The following PPP2R3B variants were observed in gnomAD, a reference collection of about 807,000 sequenced individuals.
The protein encoded by PPP2R3B is protein phosphatase 2 regulatory subunit B''beta.
A neutral mutation model predicts 72.9 loss-of-function variants in PPP2R3B; 68 were observed. That is an observed-to-expected ratio of 0.93 (90% CI 0.77 to 1.14). PPP2R3B has a LOEUF of 1.14. Among genes scored for constraint, PPP2R3B ranks in the 50% most tolerant of loss-of-function variants. PPP2R3B has a pLI of 0.00. For missense variants in PPP2R3B, 1,018 were observed against 842.0 expected (o/e 1.21, Z -2.59); for synonymous variants, 466 against 375.8 (o/e 1.24, Z -2.78).
intron 2 of PPP2R3B, among the ~76,000 whole-genome samples, chrX:359,340 G>A (rs180833693): frequency 4.2e-4 from 64 of 152,336 alleles, no homozygotes; most frequent in Non-Finnish European, 8.2e-4. Context: ...GTGTTAAGTC[G>A]AGTGAGTCTG....
At position 334,272 on chromosome X, in the gene PPP2R3B, C is replaced by G. The variant is rs1054342593; in HGVS notation, c.*95G>C. On this transcript the variant is annotated 3_prime_UTR_variant, in exon 13 of 13. Coordinates refer to ENST00000390665, the MANE Select transcript of PPP2R3B (RefSeq NM_013239.5). ...ATAAAAGTTTATCATTCCGTACAAA[C>G]GCACTCATTTTCCACAACAGTTTTT... The G allele has an allele frequency of 6.1e-6, 8 of 1,304,874 alleles. No individual in the cohort carries two copies. Among genetic ancestry groups the G allele is most frequent in the Non-Finnish European group, 7.0e-6 (7 of 993,616 alleles). 80.8% of individuals were successfully genotyped at this position (1,304,874 alleles called of 1,614,324 possible).
chrX:360,193 A>G (rs760759313), intron 2 of PPP2R3B, among the ~76,000 whole-genome samples: 8 of 152,340 alleles, frequency 5.3e-5, no homozygotes, highest in African/African-American at 1.9e-4. Flanking sequence ...AGGTTGGTTT[A>G]ACATCCCAAA....
At chrX:372,120 C>G (rs1395757726) in intron 1 of PPP2R3B, among the ~76,000 whole-genome samples, 1 of 152,156 alleles carries the variant, frequency 6.6e-6, no homozygotes, top group Non-Finnish European at 1.5e-5. Context: ...GACCAGCGAG[C>G]CCGCACCGCC....
At chrX:347,874 C>G in intron 2 of PPP2R3B, 181 bp from the exon 3 acceptor site, 1 of 577,104 alleles carries the variant, frequency 1.7e-6, no homozygotes, top group East Asian at 2.9e-5. Context: ...AGCCTTCAAT[C>G]AGTCATGAGA....
At position 354,029 on chromosome X, in the gene PPP2R3B, C is replaced by T. The variant is rs188321620; in HGVS notation, c.511-6336G>A. On this transcript the variant is annotated intron_variant, in intron 2 of 12. Transcript: ENST00000390665. ...GGGGCTCACCCAGGGAGCAGGGGCT[C>T]GCCCAGGGACCAGGGGCTCACCCAA... Among the ~76,000 whole-genome samples the T allele has an allele frequency of 5.8e-3, 794 of 136,608 alleles. 42 individuals are homozygous for T. The East Asian group carries it at 0.071, about 12-fold the overall frequency. The allele number at this position is 136,608 out of a possible 152,430, so 89.6% of individuals were successfully genotyped here. A position where few individuals can be genotyped will look rare whatever the true frequency, so the allele number is the denominator to read the frequency against.
rs367854179 is a variant in PPP2R3B at position 361,513 on chromosome X, G to C, written c.402C>G (p.Arg134=). 8 of 1,614,022 alleles carry C rather than the reference G, an allele frequency of 5.0e-6. No homozygotes were observed. The highest frequency in any genetic ancestry group is 5.9e-6 in the Non-Finnish European group (7 of 1,179,866). The change falls in exon 2 of 13, where the codon CGC becomes CGG. Residue 134 remains arginine (R), a synonymous_variant. Transcript: ENST00000390665. ...SIPTFYFPRG[R]PQDSVNVDAV... ...CATCCACGTTGACGGAGTCCTGCGGGCGTCCTCTGGGGAAGTAGAAGGTCG... is the reference window on the plus strand; with the variant it reads ...CATCCACGTTGACGGAGTCCTGCGGCCGTCCTCTGGGGAAGTAGAAGGTCG...
intron 1 of PPP2R3B, among the ~76,000 whole-genome samples, chrX:363,410 AGTG>A: frequency 6.6e-6 from 1 of 150,648 alleles, no homozygotes; most frequent in African/African-American, 2.5e-5. Context: ...GCAATCCCAC[AGTG>A]CATCTCCCCG....
At chrX:378,848 C>T (rs1366525242) in intron 1 of PPP2R3B, among the ~76,000 whole-genome samples, 3 of 152,214 alleles carry the variant, frequency 2.0e-5, no homozygotes, top group African/African-American at 7.2e-5. Flanking sequence ...GAGAACTGAA[C>T]GCAGACAGGC....
rs2071184560 is a variant in PPP2R3B, at chrX:345,549, C to G, written c.1003G>C (p.Asp335His). The part of the protein sequence containing the change: ...ELDTDHDLLI[D>H]ADDLARHNDH... ...TTGTGCCGCGCCAGGTCGTCCGCGTCGATGAGCAGGTCGTGGTCCGTGTCC... is the reference window on the plus strand; with the variant it reads ...TTGTGCCGCGCCAGGTCGTCCGCGTGGATGAGCAGGTCGTGGTCCGTGTCC... Residue 335 changes from aspartate to histidine, a missense_variant, in exon 7 of 13, where the codon GAC (aspartate) becomes CAC (histidine). Physicochemically the swap from Asp to His is moderately conservative, Grantham distance 81 (BLOSUM62 -1). Transcript: ENST00000390665. 6.2e-7 allele frequency: 1 copy of G among 1,613,128 alleles called. No homozygotes were observed. The highest frequency in any genetic ancestry group is 1.3e-5 in the African/African-American group (1 of 74,988).
chrX:357,609 G>T (rs1403009254), intron 2 of PPP2R3B, among the ~76,000 whole-genome samples: 1 of 152,120 alleles, frequency 6.6e-6, no homozygotes, highest in African/African-American at 2.4e-5. Context: ...AATCGTACAA[G>T]ACAAGGAAAA....
intron 1 of PPP2R3B, among the ~76,000 whole-genome samples, chrX:367,370 G>C (rs1339920846): frequency 2.0e-5 from 3 of 150,664 alleles, no homozygotes; most frequent in Non-Finnish European, 4.4e-5. Flanking sequence ...GAGACGGTTT[G>C]TGAGTTGGAG....
chrX:375,273 C>T (rs2071964332), intron 1 of PPP2R3B, among the ~76,000 whole-genome samples: 1 of 152,238 alleles, frequency 6.6e-6, no homozygotes, highest in African/African-American at 2.4e-5. Context: ...CTCAAACCAC[C>T]AGGAGACGAT....
chrX:345,809 G>A (rs2071192092), intron 6 of PPP2R3B, 137 bp from the exon 7 acceptor site: 1 of 781,444 alleles, frequency 1.3e-6, no homozygotes, highest in East Asian at 2.9e-5. Flanking sequence ...AGCTGGGGCC[G>A]GGGGGCACTC....
At chrX:358,793 G>A (rs758913743) in intron 2 of PPP2R3B, among the ~76,000 whole-genome samples, 1 of 151,538 alleles carries the variant, frequency 6.6e-6, no homozygotes, top group Admixed American at 6.6e-5. Flanking sequence ...ACCGCGGAGG[G>A]GGGGTGGCCG....
rs772838969 is a variant in PPP2R3B at position 338,825 on chromosome X, C to T, written c.1423G>A (p.Glu475Lys). The change falls in exon 11 of 13, where the codon GAG (glutamate) becomes AAG (lysine). Residue 475 changes from glutamate to lysine, a missense_variant. Glu to Lys is a moderately conservative substitution (Grantham distance 56, BLOSUM62 1). Coordinates refer to ENST00000390665, the MANE Select transcript of PPP2R3B (RefSeq NM_013239.5). ...TTCTGCTCGTGGTCGAGGTACTTCT[C>T]GATGTTGAAGAAGGTGTCGAAGAAG... ...NVFFDTFFNI[E>K]KYLDHEQKEQ... 6.8e-6 allele frequency: 11 copies of T among 1,612,324 alleles called. No individual in the cohort carries two copies. The highest frequency in any genetic ancestry group is 2.2e-5 in the South Asian group (2 of 91,082).
intron 2 of PPP2R3B, among the ~76,000 whole-genome samples, chrX:354,336 G>T (rs1343565021): frequency 6.7e-6 from 1 of 149,998 alleles, no homozygotes; most frequent in African/African-American, 2.5e-5. Flanking sequence ...AGTCCTTCAT[G>T]ACCACAGACG....
chrX:346,568 A>G lies in PPP2R3B; in HGVS notation c.792+133T>C. On this transcript the variant is annotated intron_variant, in intron 5 of 12. Transcript: ENST00000390665. ...CCCGGGCGGGTGGAGACTCTCCCAG[A>G]GCGCGGCCGCCTCCTCCGGAAGCTC... 4 of 862,246 alleles carry G rather than the reference A, an allele frequency of 4.6e-6. No individual in the cohort carries two copies. In the South Asian group the frequency reaches 5.2e-5, roughly 11 times the overall value. The allele number at this position is 862,246 out of a possible 1,614,324, so 53.4% of individuals were successfully genotyped here. A position where few individuals can be genotyped will look rare whatever the true frequency, so the allele number is the denominator to read the frequency against.
At position 386,368 on chromosome X, in the gene PPP2R3B, T is replaced by C. The variant is rs746226625; in HGVS notation, c.324A>G (p.Val108=). 7.6e-6 allele frequency: 10 copies of C among 1,313,126 alleles called. No homozygotes were observed. In the Middle Eastern group the frequency reaches 9.2e-4, roughly 120 times the overall value. The allele number at this position is 1,313,126 out of a possible 1,614,324, so 81.3% of individuals were successfully genotyped here. The change falls in exon 1 of 13, where the codon GTA becomes GTG. Residue 108 remains valine, a splice_region_variant and synonymous_variant. Coordinates refer to ENST00000390665, the MANE Select transcript of PPP2R3B (RefSeq NM_013239.5). ...GTTAGCAGAAGGAAGAGTAACTTACTACTCTCGTCCCTGCGGATCTACGGG... is the reference window on the plus strand; with the variant it reads ...GTTAGCAGAAGGAAGAGTAACTTACCACTCTCGTCCCTGCGGATCTACGGG... The part of the protein sequence containing the change: ...RGTRRSAGTR[V]VQTRKEEPLP...
chrX:372,911 G>C (rs1213110448), intron 1 of PPP2R3B, among the ~76,000 whole-genome samples: 3 of 152,228 alleles, frequency 2.0e-5, no homozygotes, highest in Non-Finnish European at 4.4e-5. Flanking sequence ...CTGGGAAACA[G>C]AGAGGCTTCG....
Sources: gnomAD v4.1 joint callset for allele counts (sites outside exome capture counted in the v4.1 genomes callset) on GRCh38, gnomAD v4.1.1 for gene constraint, MANE v1.5 for transcripts, NCBI Gene and HGNC (gene_info 2026-07-23, HGNC 2026-07-21) for gene names.